Variants in MED23 observed in about 807,000 individuals in gnomAD.
The protein encoded by MED23 is mediator of RNA polymerase II transcription subunit 23.
MED23 carries 105 observed loss-of-function variants against 163.9 expected under a neutral mutation model. The ratio of observed to expected loss-of-function variants is 0.64; its 90% CI spans 0.55 to 0.75. MED23 has a LOEUF of 0.75. Ranked by LOEUF, MED23 falls within the 30% of genes least tolerant of loss-of-function variation. MED23 has a pLI of 0.00. For synonymous variants in MED23, 561 were observed against 565.6 expected (o/e 0.99, Z 0.12); for missense variants, 1,054 against 1,649.0 (o/e 0.64, Z 6.25).
rs1585463148 is a variant in MED23, at chr6:131,592,665, A to G, written c.3399-205T>C. The G allele has an allele frequency of 6.5e-6, 4 of 611,214 alleles. No individual in the cohort carries two copies. In the East Asian group the frequency reaches 1.1e-4, roughly 17 times the overall value. 37.9% of individuals were successfully genotyped at this position (611,214 alleles called of 1,614,324 possible). A position where few individuals can be genotyped will look rare whatever the true frequency, so the allele number is the denominator to read the frequency against. On this transcript the variant is annotated intron_variant, in intron 24 of 28. Transcript: ENST00000368068. ...GCTTTTTAAAAATACTTCCTCCCCA[A>G]TCATTATCCCATACTTCATGCTAAT...
chr6:131,597,273 G>A (rs1775117248), intron 20 of MED23, among the ~76,000 whole-genome samples: 1 of 151,828 alleles, frequency 6.6e-6, no homozygotes, highest in Admixed American at 6.6e-5. Context: ...TCAGGAGATT[G>A]AGCCCATCCT....
intron 11 of MED23, among the ~76,000 whole-genome samples, chr6:131,609,349 T>C (rs1401034615): frequency 6.6e-6 from 1 of 152,116 alleles, no homozygotes; most frequent in African/African-American, 2.4e-5. Context: ...TATTTTTATT[T>C]CCAGTTCTCA....
chr6:131,615,844 A>G, intron 10 of MED23, 63 bp downstream of exon 10: 1 of 1,243,864 alleles, frequency 8.0e-7, no homozygotes, highest in Non-Finnish European at 1.2e-6. Context: ...ATAGCAAAGA[A>G]AAGAGAAAAG....
intron 22 of MED23, 50 bp from the exon 23 acceptor site, chr6:131,594,385 C>T (rs1774886437): frequency 3.0e-6 from 4 of 1,337,718 alleles, no homozygotes; most frequent in Non-Finnish European, 4.3e-6. Flanking sequence ...TTACTAATAA[C>T]TGTGAAAAAC....
At chr6:131,605,652 G>T (rs1286592175) in intron 13 of MED23, among the ~76,000 whole-genome samples, 167 bp from the exon 14 acceptor site, 1 of 152,200 alleles carries the variant, frequency 6.6e-6, no homozygotes, top group Non-Finnish European at 1.5e-5. Flanking sequence ...ACACATAGAA[G>T]TTTGAGTAGC....
rs954691413 is a variant in MED23, at chr6:131,594,038, T to A, written c.3232+61A>T. The A allele has an allele frequency of 1.2e-5, 16 of 1,385,632 alleles. No individual in the cohort carries two copies. In the South Asian group the frequency reaches 1.8e-4, roughly 16 times the overall value. The allele number at this position is 1,385,632 out of a possible 1,614,324, so 85.8% of individuals were successfully genotyped here. A position where few individuals can be genotyped will look rare whatever the true frequency, so the allele number is the denominator to read the frequency against. On this transcript the variant is annotated intron_variant, in intron 23 of 28. Transcript: ENST00000368068. ...AAAAATTACTTTAAAAGAAAAAATA[T>A]ATTCTCATAAATCAAAATACTGTTA...
At chr6:131,586,594 T>G (rs1249293836), downstream of MED23, 2 of 302,302 alleles carry the variant, frequency 6.6e-6, no homozygotes, top group Middle Eastern at 6.0e-4. Context: ...CTAGTTCTTT[T>G]TAAAAGAATC....
intron 22 of MED23, among the ~76,000 whole-genome samples, chr6:131,595,705 A>C (rs1225759500): frequency 6.6e-6 from 1 of 152,210 alleles, no homozygotes; most frequent in Non-Finnish European, 1.5e-5. Flanking sequence ...CCATCCAAGA[A>C]GGCCGCCAAG....
chr6:131,613,879 C>T (rs954587971), intron 10 of MED23, among the ~76,000 whole-genome samples: 2 of 151,988 alleles, frequency 1.3e-5, no homozygotes, highest in Non-Finnish European at 2.9e-5. Flanking sequence ...AAGAGCTGCC[C>T]GCCCCCAAGA....
At position 131,588,294 on chromosome 6, in the gene MED23, C is replaced by T. The variant is rs181840509; in HGVS notation, c.3940-448G>A. Reference sequence around the variant, plus strand: ...TTCTTTGAATAACTCATGTTTGCAACATTTATCTATAAAACTATTTTGGTT... The same window carrying T: ...TTCTTTGAATAACTCATGTTTGCAATATTTATCTATAAAACTATTTTGGTT... On this transcript the variant is annotated intron_variant, in intron 28 of 28. Transcript: ENST00000368068. Among the ~76,000 whole-genome samples, 59 of 152,236 alleles carry T rather than the reference C, an allele frequency of 3.9e-4. No individual in the cohort carries two copies. The East Asian group carries it at 8.3e-3, about 21-fold the overall frequency.
downstream of MED23, among the ~76,000 whole-genome samples, chr6:131,585,109 A>C (rs1288201101): frequency 2.0e-5 from 3 of 152,148 alleles, no homozygotes; most frequent in Non-Finnish European, 4.4e-5. Flanking sequence ...ATGTCATCTA[A>C]AATTACCTAT....
At chr6:131,627,756 G>A in intron 1 of MED23, 84 bp from the exon 2 acceptor site, 1 of 1,307,046 alleles carries the variant, frequency 7.7e-7, no homozygotes, top group Non-Finnish European at 1.1e-6. Context: ...ATGTAACACA[G>A]GGCAAGTCAC....
Position 131,576,685 on chromosome 6 carries a change from G to A in MED23, c.4096-2390C>T, listed in dbSNP as rs1326930389. 1.2e-6 allele frequency: 2 copies of A among 1,614,072 alleles called. No individual in the cohort carries two copies. Among genetic ancestry groups the A allele is most frequent in the East Asian group, 2.2e-5 (1 of 44,878 alleles). ...CAGCCACGAGGAGGGGTGGAAGAAGGCCCTACAGTATTGAGAAAGGCTGGT... is the reference window on the plus strand; with the variant it reads ...CAGCCACGAGGAGGGGTGGAAGAAGACCCTACAGTATTGAGAAAGGCTGGT... On this transcript the variant is annotated intron_variant, in intron 30 of 30. Transcript: ENST00000354577.
In MED23 at chr6:131,627,650, G is replaced by C. The variant is rs745475202; in HGVS notation, c.62C>G (p.Ala21Gly). 9.4e-6 allele frequency: 15 copies of C among 1,600,720 alleles called. No homozygotes were observed. The highest frequency in any genetic ancestry group is 1.2e-5 in the Non-Finnish European group (14 of 1,172,560). The change falls in exon 2 of 29, where the codon GCT becomes GGT. Residue 21 changes from alanine (A) to glycine (G), a missense_variant. Physicochemically the swap from Ala to Gly is moderately conservative, Grantham distance 60 (BLOSUM62 0). Around this residue, in one of 11 missense-constraint regions of MED23, gnomAD observed 227 missense variants for 235.5 expected, o/e 0.96. Transcript: ENST00000368068. ...CCACGCATACACTCACCCAGGAAAA[G>C]CCTCTTCTATAACTTCCGTTTTCTG... ...EVVKTEVIEE[A>G]FPGMFMDTPE...
chr6:131,619,886 T>C lies in MED23; in HGVS notation c.608A>G (p.Asn203Ser), dbSNP rs935866047. ...GGTATCCACAAAGTCTGATACTAGGTTTCCAAGTAACTAAAGAGAGAAAGA... is the reference window on the plus strand; with the variant it reads ...GGTATCCACAAAGTCTGATACTAGGCTTCCAAGTAACTAAAGAGAGAAAGA... Reference protein sequence around the residue: ...EGKLPHWLLGNLVSDFVDTFR... With the variant: ...EGKLPHWLLGSLVSDFVDTFR... Residue 203 changes from asparagine (N) to serine (S), a missense_variant, in exon 8 of 29, where the codon AAC becomes AGC. By Grantham distance (46) the Asn-to-Ser change is conservative. This residue lies in a region of MED23 where 227 missense variants were observed against 235.5 expected (regional missense o/e 0.96). Transcript: ENST00000368068. 1 of 1,609,514 alleles carries C rather than the reference T, an allele frequency of 6.2e-7. No individual in the cohort carries two copies. The highest frequency in any genetic ancestry group is 8.5e-7 in the Non-Finnish European group (1 of 1,176,474).
At position 131,607,902 on chromosome 6, in the gene MED23, A is replaced by G. The variant is rs774513347; in HGVS notation, c.1221+26T>C. 2.1e-5 allele frequency: 34 copies of G among 1,611,714 alleles called. No homozygotes were observed. In the Admixed American group the frequency reaches 3.0e-4, roughly 14 times the overall value. On this transcript the variant is annotated intron_variant, in intron 12 of 28. Coordinates refer to ENST00000368068, the MANE Select transcript of MED23 (RefSeq NM_004830.4). ...GACATAATTTACTCATCATGTTGTT[A>G]TGAATAGTTACTCAGTAAAGCTTAC...
In MED23 at chr6:131,618,412, C is replaced by T. The variant is rs1215738928; in HGVS notation, c.775G>A (p.Asp259Asn). ...RFPLKGLLPY[D>N]KDLFEPQTAL... ...CATTATATTTAGCAACATACCTTAT[C>T]ATATGGCAAAAGGCCTTTCAAAGGA... The change falls in exon 9 of 29, where the codon GAT (aspartate) becomes AAT (asparagine). Residue 259 changes from aspartate to asparagine, a missense_variant. Coordinates refer to ENST00000368068, the MANE Select transcript of MED23 (RefSeq NM_004830.4). The T allele has an allele frequency of 2.5e-6, 4 of 1,609,530 alleles. No individual in the cohort carries two copies. Among genetic ancestry groups the T allele is most frequent in the African/African-American group, 1.3e-5 (1 of 74,940 alleles).
intron 17 of MED23, among the ~76,000 whole-genome samples, chr6:131,601,038 CTTT>C (rs111997719): frequency 6.8e-6 from 1 of 147,800 alleles, no homozygotes; most frequent in African/African-American, 2.4e-5. Flanking sequence ...AAATCAGCTG[CTTT>C]TTTTTTTTTG....
At chr6:131,574,189 G>A in exon 31 of MED23, 1 of 1,319,840 alleles carries the variant, frequency 7.6e-7, no homozygotes, top group Non-Finnish European at 1.1e-6. Flanking sequence ...ACAAGACAAT[G>A]TATGAGTTGA....
Sources: gnomAD v4.1 joint callset for allele counts (sites outside exome capture counted in the v4.1 genomes callset) on GRCh38, gnomAD v4.1.1 for gene constraint, gnomAD v4.1.1 regional missense constraint, MANE v1.5 for transcripts, NCBI Gene and HGNC (gene_info 2026-07-23, HGNC 2026-07-21) for gene names.